Variants in ARHGAP26 observed in about 807,000 individuals in gnomAD.
The protein encoded by ARHGAP26 is Rho GTPase activating protein 26.
Under a neutral mutation model 104.8 loss-of-function variants are expected in ARHGAP26, and 38 were observed. That is an observed-to-expected ratio of 0.36 (90% CI 0.28 to 0.48). The LOEUF is 0.48. ARHGAP26 is among the 20% of genes least tolerant of loss of function. The pLI is 0.99. For synonymous variants in ARHGAP26, 341 were observed against 340.0 expected (o/e 1.00, Z -0.03); for missense variants, 704 against 947.9 (o/e 0.74, Z 3.38).
At chr5:143,000,942 C>G (rs1777109839) in intron 11 of ARHGAP26, among the ~76,000 whole-genome samples, 1 of 151,984 alleles carries the variant, frequency 6.6e-6, no homozygotes, top group African/African-American at 2.4e-5. Context: ...GGCTTAAAAT[C>G]TAGATGATGG....
At chr5:142,894,739 A>G (rs1321727075) in intron 6 of ARHGAP26, among the ~76,000 whole-genome samples, 2 of 152,204 alleles carry the variant, frequency 1.3e-5, no homozygotes, top group African/African-American at 4.8e-5. Context: ...ATTCAGATGT[A>G]GTAGTCACCC....
chr5:143,175,448 T>C (rs535435176), intron 20 of ARHGAP26, among the ~76,000 whole-genome samples: 2 of 152,312 alleles, frequency 1.3e-5, no homozygotes, highest in Admixed American at 6.5e-5. Context: ...AGTTTTTCTT[T>C]TGTAAGTATG....
At chr5:143,171,081 A>C (rs1802704272) in intron 20 of ARHGAP26, among the ~76,000 whole-genome samples, 1 of 152,172 alleles carries the variant, frequency 6.6e-6, no homozygotes, top group Admixed American at 6.5e-5. Context: ...AAGGACAGAG[A>C]ATATAAAGGA....
In ARHGAP26 at chr5:142,911,759, C is replaced by T. The variant is rs187407490; in HGVS notation, c.934-1440C>T. ...GTAATCTTTCAAAGTGGAAGCTGGT[C>T]CATAGCCATTAAATCAGATTTATAG... is the stretch of plus-strand genomic sequence containing the variant. On this transcript the variant is annotated intron_variant, in intron 9 of 22. Coordinates refer to ENST00000645722, the MANE Select transcript of ARHGAP26 (RefSeq NM_001135608.3). 6.8e-4 allele frequency among the ~76,000 whole-genome samples: 104 copies of T among 152,320 alleles called. 3 individuals are homozygous for T. In the East Asian group the frequency reaches 0.018, roughly 26 times the overall value.
chr5:142,997,828 G>A (rs142180649), intron 11 of ARHGAP26, among the ~76,000 whole-genome samples: 17 of 151,676 alleles, frequency 1.1e-4, no homozygotes, highest in African/African-American at 4.1e-4. Flanking sequence ...CTGATATCGT[G>A]TCTAAGTGAA....
At chr5:142,797,782 T>C (rs1401705478) in intron 1 of ARHGAP26, among the ~76,000 whole-genome samples, 2 of 152,240 alleles carry the variant, frequency 1.3e-5, no homozygotes, top group Admixed American at 1.3e-4. Flanking sequence ...GTATGATTGA[T>C]AATCTCCAAA....
chr5:143,171,561 G>C (rs1342330912), intron 20 of ARHGAP26, among the ~76,000 whole-genome samples: 1 of 152,176 alleles, frequency 6.6e-6, no homozygotes, highest in Non-Finnish European at 1.5e-5. Context: ...TACTTCCCAA[G>C]TTTCAAACTT....
intron 20 of ARHGAP26, among the ~76,000 whole-genome samples, chr5:143,152,110 AT>A (rs1388949424): frequency 6.6e-6 from 1 of 152,060 alleles, no homozygotes. Context: ...AGCACAGGGT[AT>A]TTTTTTCGCG....
chr5:142,813,691 C>G (rs1764571346), intron 1 of ARHGAP26, among the ~76,000 whole-genome samples: 1 of 152,206 alleles, frequency 6.6e-6, no homozygotes, highest in African/African-American at 2.4e-5. Flanking sequence ...TCCTAATCTT[C>G]TTTTCTTATA....
chr5:142,917,445 G>T (rs1214591846), intron 10 of ARHGAP26, among the ~76,000 whole-genome samples: 1 of 152,184 alleles, frequency 6.6e-6, no homozygotes, highest in Non-Finnish European at 1.5e-5. Flanking sequence ...TGAAATCTGG[G>T]AAGTGCTATT....
At position 143,020,426 on chromosome 5, in the gene ARHGAP26, A is replaced by T. The variant is rs573961839; in HGVS notation, c.1144+6310A>T. Among the ~76,000 whole-genome samples, 4 of 152,310 alleles carry T rather than the reference A, an allele frequency of 2.6e-5. No homozygotes were observed. In the South Asian group the frequency reaches 8.3e-4, roughly 32 times the overall value. On this transcript the variant is annotated intron_variant, in intron 12 of 22. Transcript: ENST00000645722. ...CAATTACATCGTGTGGGTGTATGTC[A>T]TATTCAAACCATCTACAGAAGTACC...
rs945591344 is a variant in ARHGAP26 at position 142,871,190 on chromosome 5, T to C, written c.155-2210T>C. On this transcript the variant is annotated intron_variant, in intron 1 of 22. Transcript: ENST00000645722. This position sits in a 1 kb window ranked among gnomAD's most constrained non-coding sequence, Gnocchi z 4.1. ...AGGCTTGCACTGTGGCAGGGTGTGC[T>C]CTGTGCCAGTGGACAAGGAAATCAG... Among the ~76,000 whole-genome samples the C allele has an allele frequency of 3.3e-5, 5 of 152,184 alleles. No homozygotes were observed. Among genetic ancestry groups the C allele is most frequent in the African/African-American group, 1.2e-4 (5 of 41,436 alleles).
At chr5:142,845,063 T>G (rs1597876941) in intron 1 of ARHGAP26, among the ~76,000 whole-genome samples, 1 of 152,276 alleles carries the variant, frequency 6.6e-6, no homozygotes, top group South Asian at 2.1e-4. Context: ...TCTTGGCCTG[T>G]GTTGCTGCCC....
intron 18 of ARHGAP26, among the ~76,000 whole-genome samples, chr5:143,127,913 C>A (rs1471544546): frequency 6.6e-6 from 1 of 152,210 alleles, no homozygotes; most frequent in Admixed American, 6.5e-5. Flanking sequence ...GTCATTGGTA[C>A]TCTTGCCTGC....
At chr5:142,786,787 T>C (rs1376785623) in intron 1 of ARHGAP26, among the ~76,000 whole-genome samples, 1 of 151,178 alleles carries the variant, frequency 6.6e-6, no homozygotes, top group Non-Finnish European at 1.5e-5. Flanking sequence ...GCTGGGATTA[T>C]AGGCACATGC....
intron 17 of ARHGAP26, among the ~76,000 whole-genome samples, chr5:143,089,693 A>G (rs1269967294): frequency 6.6e-6 from 1 of 152,162 alleles, no homozygotes; most frequent in Non-Finnish European, 1.5e-5. Flanking sequence ...TAATAGATCT[A>G]GTTTATCCAA....
intron 5 of ARHGAP26, 80 bp from the exon 6 acceptor site, chr5:142,894,156 ATT>A: frequency 1.9e-6 from 2 of 1,034,058 alleles, no homozygotes; most frequent in Non-Finnish European, 2.9e-6. Flanking sequence ...ATCTCCCGAG[ATT>A]TTTTTTTTCT....
chr5:143,093,496 ATCTC>A (rs150564234), intron 17 of ARHGAP26, among the ~76,000 whole-genome samples: 3 of 151,258 alleles, frequency 2.0e-5, no homozygotes, highest in Admixed American at 6.6e-5. Context: ...TACTATTTCT[ATCTC>A]TCTCTCTTTC....
chr5:143,127,963 A>G (rs2150852420), intron 18 of ARHGAP26, among the ~76,000 whole-genome samples: 1 of 152,168 alleles, frequency 6.6e-6, no homozygotes, highest in East Asian at 1.9e-4. Context: ...GGCTTTTGTA[A>G]TTTGTTCATC....
Sources: gnomAD v4.1 joint callset for allele counts (sites outside exome capture counted in the v4.1 genomes callset) on GRCh38, gnomAD v4.1.1 for gene constraint, Gnocchi (gnomAD v3.1) non-coding constraint, MANE v1.5 for transcripts, NCBI Gene and HGNC (gene_info 2026-07-23, HGNC 2026-07-21) for gene names.